Variants in BEND4 observed in about 807,000 individuals in gnomAD.
BEND4 encodes BEN domain-containing protein 4.
BEND4 carries 27 observed loss-of-function variants against 54.7 expected under a neutral mutation model. That is an observed-to-expected ratio of 0.49 (90% CI 0.36 to 0.68). The LOEUF is 0.68. BEND4 is among the 30% of genes least tolerant of loss of function. The pLI is 0.00. For synonymous variants in BEND4, 327 were observed against 299.5 expected (o/e 1.09, Z -0.95); for missense variants, 702 against 697.2 (o/e 1.01, Z -0.08).
chr4:42,124,221 T>C (rs1177847622), intron 4 of BEND4, among the ~76,000 whole-genome samples: 2 of 152,098 alleles, frequency 1.3e-5, no homozygotes, highest in Non-Finnish European at 2.9e-5. Flanking sequence ...GGCGTGGTGG[T>C]GCACACCTGT....
Position 42,149,985 on chromosome 4 carries a change from A to T in BEND4, c.487+1672T>A, listed in dbSNP as rs116616848. Among the ~76,000 whole-genome samples, 1,278 of 152,288 alleles carry T rather than the reference A, an allele frequency of 8.4e-3. 18 individuals are homozygous for T. Among genetic ancestry groups the T allele is most frequent in the African/African-American group, 0.027 (1,136 of 41,552 alleles). ...ATCAAAGACTGACCTGGGCAGATAG[A>T]GGGGAAAACGTCAATGAAAATGATG... On this transcript the variant is annotated intron_variant, in intron 2 of 5. Coordinates refer to ENST00000502486, the MANE Select transcript of BEND4 (RefSeq NM_207406.4).
chr4:42,150,338 T>C (rs1283614070), intron 2 of BEND4, among the ~76,000 whole-genome samples: 1 of 138,870 alleles, frequency 7.2e-6, no homozygotes, highest in Non-Finnish European at 1.5e-5. Context: ...GAAGTCCACC[T>C]AAGAACCCCA....
intron 2 of BEND4, among the ~76,000 whole-genome samples, chr4:42,150,488 G>A (rs6821193): frequency 0.028 from 4,325 of 152,314 alleles, 130 homozygotes; most frequent in African/African-American, 0.076. Flanking sequence ...TATTACTGGA[G>A]GCATCTATAA....
chr4:42,123,775 G>C (rs922286307), intron 4 of BEND4, among the ~76,000 whole-genome samples: 1 of 151,254 alleles, frequency 6.6e-6, no homozygotes, highest in Non-Finnish European at 1.5e-5. Context: ...TCAGGTGAGA[G>C]AGTCAACCTA....
intron 3 of BEND4, among the ~76,000 whole-genome samples, chr4:42,131,677 A>C (rs778609786): frequency 4.6e-5 from 7 of 152,154 alleles, no homozygotes; most frequent in Admixed American, 4.6e-4. Flanking sequence ...AGTGTTATGC[A>C]TATTTACTGG....
At chr4:42,149,014 T>C (rs946051995) in intron 2 of BEND4, among the ~76,000 whole-genome samples, 11 of 152,190 alleles carry the variant, frequency 7.2e-5, no homozygotes, top group African/African-American at 2.7e-4. Context: ...GCAAATAAGA[T>C]TCACTTCAAC....
In BEND4 at chr4:42,120,231, C is replaced by T. The variant is rs776733965; in HGVS notation, c.1210G>A (p.Val404Ile). The T allele has an allele frequency of 6.2e-7, 1 of 1,613,754 alleles. No individual in the cohort carries two copies. The highest frequency in any genetic ancestry group is 1.3e-5 in the African/African-American group (1 of 74,920). ...CTCCCATCTTTCTTTGAAGAATTTA[C>T]AGCCTCATCCCACTGTTTGCTCGTT... ...YITSKQWDEA[V>I]NSSKKDGRRL... Residue 404 changes from valine (V) to isoleucine (I), a missense_variant, in exon 5 of 6, where the codon GTA (valine) becomes ATA (isoleucine). Physicochemically the swap from Val to Ile is conservative, Grantham distance 29. Coordinates refer to ENST00000502486, the MANE Select transcript of BEND4 (RefSeq NM_207406.4).
At chr4:42,126,078 A>T (rs1271364929) in intron 3 of BEND4, among the ~76,000 whole-genome samples, 1 of 152,214 alleles carries the variant, frequency 6.6e-6, no homozygotes, top group Non-Finnish European at 1.5e-5. Context: ...CAAAAAAAAA[A>T]ATATTTTCTA....
At chr4:42,151,397 A>C in intron 2 of BEND4, 1 of 289,196 alleles carries the variant, frequency 3.5e-6, no homozygotes, top group Non-Finnish European at 6.4e-6. Flanking sequence ...CTGGTCGCCG[A>C]CTGCCACAGC....
intron 4 of BEND4, among the ~76,000 whole-genome samples, chr4:42,123,708 A>AAACAAAAACAAAAAC (rs1560576060): frequency 3.4e-4 from 52 of 151,388 alleles, no homozygotes; most frequent in Admixed American, 1.6e-3. Context: ...AAAAAAAAAA[A>AAACAAAAACAAAAAC]AAAAAAAAAC....
At chr4:42,118,904 T>A (rs1283107211) in intron 5 of BEND4, among the ~76,000 whole-genome samples, 1 of 152,184 alleles carries the variant, frequency 6.6e-6, no homozygotes, top group African/African-American at 2.4e-5. Flanking sequence ...GACCAACTAA[T>A]AGGAGGTGTG....
chr4:42,117,540 G>A lies in BEND4; in HGVS notation c.1583C>T (p.Ser528Phe), dbSNP rs753156232. The change falls in exon 6 of 6, where the codon TCC (serine) becomes TTC (phenylalanine). Residue 528 changes from serine (S) to phenylalanine (F), a missense_variant. Physicochemically the swap from Ser to Phe is radical, Grantham distance 155. Coordinates refer to ENST00000502486, the MANE Select transcript of BEND4 (RefSeq NM_207406.4). ...ASQDEVFNKS[S>F]QDGSGD is the part of the protein sequence containing the mutation. ...CCACTAATCCCCAGATCCATCCTGG[G>A]AACTTTTATTGAAGACTTCATCCTG... is the stretch of plus-strand genomic sequence containing the variant. The A allele has an allele frequency of 1.2e-6, 2 of 1,611,688 alleles. No homozygotes were observed. The highest frequency in any genetic ancestry group is 2.2e-5 in the East Asian group (1 of 44,850).
chr4:42,127,852 C>G (rs1342174578), intron 3 of BEND4, among the ~76,000 whole-genome samples: 1 of 152,152 alleles, frequency 6.6e-6, no homozygotes, highest in Non-Finnish European at 1.5e-5. Context: ...TTTCTGATCC[C>G]TCACCCATAT....
intron 2 of BEND4, among the ~76,000 whole-genome samples, chr4:42,146,531 A>C (rs1191964830): frequency 3.9e-5 from 6 of 152,264 alleles, no homozygotes; most frequent in African/African-American, 7.2e-5. Context: ...AAAACCAAAT[A>C]ATAAGAAAGC....
At chr4:42,145,090 G>C (rs1010065451) in intron 2 of BEND4, among the ~76,000 whole-genome samples, 2 of 152,168 alleles carry the variant, frequency 1.3e-5, no homozygotes, top group Admixed American at 1.3e-4. Context: ...AGATAAAAAT[G>C]CAACTAGCAC....
At chr4:42,145,423 A>G (rs1577768482) in intron 2 of BEND4, among the ~76,000 whole-genome samples, 1 of 152,146 alleles carries the variant, frequency 6.6e-6, no homozygotes, top group African/African-American at 2.4e-5. Flanking sequence ...AGCTGGGTGC[A>G]GTGGCTCACA....
At chr4:42,131,078 A>G (rs532835864) in intron 3 of BEND4, among the ~76,000 whole-genome samples, 1 of 152,280 alleles carries the variant, frequency 6.6e-6, no homozygotes, top group Non-Finnish European at 1.5e-5. Context: ...GAGGGGGGGC[A>G]GTGGGTGAGA....
At chr4:42,119,509 C>G (rs898626423) in intron 5 of BEND4, among the ~76,000 whole-genome samples, 14 of 152,122 alleles carry the variant, frequency 9.2e-5, no homozygotes, top group African/African-American at 3.4e-4. Flanking sequence ...ATTAATACTG[C>G]TGAAGTCGTA....
chr4:42,118,083 T>C (rs552194407), intron 5 of BEND4, among the ~76,000 whole-genome samples: 2 of 152,340 alleles, frequency 1.3e-5, no homozygotes, highest in South Asian at 2.1e-4. Context: ...AGTTGTTACC[T>C]GCTCACATTT....
Sources: allele counts gnomAD v4.1 joint callset (sites outside exome capture counted in the v4.1 genomes callset), GRCh38; gene constraint gnomAD v4.1.1; transcripts MANE v1.5; gene names NCBI Gene and HGNC (gene_info 2026-07-23, HGNC 2026-07-21).